The following DOCK1 variants were observed in gnomAD, a reference collection of about 807,000 sequenced individuals.
The protein encoded by DOCK1 is dedicator of cytokinesis protein 1.
Under a neutral mutation model 262.7 loss-of-function variants are expected in DOCK1, and 138 were observed. The ratio of observed to expected loss-of-function variants is 0.53; its 90% CI spans 0.46 to 0.61. The LOEUF is 0.61. Ranked by LOEUF, DOCK1 falls within the 20% of genes least tolerant of loss-of-function variation. DOCK1 has a pLI of 0.00. For missense variants in DOCK1, 1,908 were observed against 2,370.7 expected (o/e 0.80, Z 4.05); for synonymous variants, 866 against 867.4 (o/e 1.00, Z 0.03).
At chr10:127,135,778 T>G (rs1157982046) in intron 27 of DOCK1, 2 of 152,682 alleles carry the variant, frequency 1.3e-5, no homozygotes, top group African/African-American at 4.8e-5. Context: ...GACATTATTT[T>G]GTGTACTAGG....
chr10:127,020,078 A>G (rs1227591572), intron 13 of DOCK1, among the ~76,000 whole-genome samples: 4 of 152,242 alleles, frequency 2.6e-5, no homozygotes, highest in Non-Finnish European at 5.9e-5. Context: ...TATGAAAGAC[A>G]TCTAAATTGG....
At chr10:126,987,094 G>A (rs975093780) in intron 4 of DOCK1, among the ~76,000 whole-genome samples, 2 of 152,072 alleles carry the variant, frequency 1.3e-5, no homozygotes, top group African/African-American at 2.4e-5. Context: ...AGTTTTATGC[G>A]TGATGGAAAA....
chr10:127,178,773 G>T (rs1167767763), intron 27 of DOCK1, among the ~76,000 whole-genome samples: 1 of 152,148 alleles, frequency 6.6e-6, no homozygotes. Flanking sequence ...GCCCCGTTTG[G>T]GATGGCTAGA....
intron 27 of DOCK1, among the ~76,000 whole-genome samples, chr10:127,194,317 A>G (rs2056949750): frequency 6.6e-6 from 1 of 152,232 alleles, no homozygotes; most frequent in South Asian, 2.1e-4. Context: ...GTAAACATGG[A>G]TAGTAAATGA....
intron 29 of DOCK1, among the ~76,000 whole-genome samples, chr10:127,283,414 ACTGT>A (rs959594580): frequency 3.9e-5 from 6 of 152,230 alleles, no homozygotes; most frequent in African/African-American, 7.2e-5. Context: ...CAGAAGGCAC[ACTGT>A]CTGATCCAAC....
chr10:127,261,008 C>T (rs2060043733), intron 29 of DOCK1, among the ~76,000 whole-genome samples: 1 of 85,990 alleles, frequency 1.2e-5, no homozygotes, highest in Non-Finnish European at 2.2e-5. Context: ...TGTGTACCTG[C>T]ATGTGTGTGC....
chr10:127,247,906 C>T, intron 27 of DOCK1, 102 bp from the exon 28 acceptor site: 1 of 1,143,630 alleles, frequency 8.7e-7, no homozygotes, highest in East Asian at 2.5e-5. Flanking sequence ...TGCCCCGTTG[C>T]TTCTCCCTGA....
intron 27 of DOCK1, among the ~76,000 whole-genome samples, chr10:127,199,457 T>A (rs923101232): frequency 1.3e-5 from 2 of 152,152 alleles, no homozygotes; most frequent in Non-Finnish European, 2.9e-5. Flanking sequence ...CAAATACCAG[T>A]CAACAGTAGA....
intron 47 of DOCK1, among the ~76,000 whole-genome samples, chr10:127,431,744 T>C (rs550042150): frequency 1.4e-4 from 21 of 152,302 alleles, no homozygotes; most frequent in African/African-American, 4.6e-4. Flanking sequence ...ATTTCTGTAT[T>C]ATCTGTGGCT....
intron 38 of DOCK1, among the ~76,000 whole-genome samples, chr10:127,388,294 T>C (rs2066254781): frequency 6.6e-6 from 1 of 152,218 alleles, no homozygotes; most frequent in Admixed American, 6.5e-5. Context: ...TCGTAGTAGC[T>C]GCATTGATAA....
intron 27 of DOCK1, among the ~76,000 whole-genome samples, chr10:127,209,738 A>G (rs2057888327): frequency 1.3e-5 from 2 of 152,190 alleles, no homozygotes; most frequent in Admixed American, 1.3e-4. Flanking sequence ...AAAAATCAAC[A>G]TGTCCCACAA....
chr10:127,023,986 C>T (rs2042639620), intron 14 of DOCK1, among the ~76,000 whole-genome samples: 1 of 152,184 alleles, frequency 6.6e-6, no homozygotes, highest in Non-Finnish European at 1.5e-5. Flanking sequence ...TACCTACCGG[C>T]GATCATGAAG....
chr10:127,137,785 T>TA, intron 27 of DOCK1: 2 of 1,522,504 alleles, frequency 1.3e-6, no homozygotes, highest in Non-Finnish European at 1.8e-6. Context: ...AGTATTGACT[T>TA]AAACTCCAGT....
At position 126,912,712 on chromosome 10, in the gene DOCK1, T is replaced by C. The variant is rs1464515072; in HGVS notation, c.46+7149T>C. Among the ~76,000 whole-genome samples the C allele has an allele frequency of 2.7e-4, 34 of 124,660 alleles. 1 individual carries two copies. Among genetic ancestry groups the C allele is most frequent in the African/African-American group, 6.9e-4 (22 of 31,788 alleles). The allele number at this position is 124,660 out of a possible 152,430, so 81.8% of individuals were successfully genotyped here. On this transcript the variant is annotated intron_variant, in intron 1 of 51. Transcript: ENST00000623213. Reference sequence around the variant, plus strand: ...CCGTACTCCAGCCTGGGTGACAGAGTGAGACTCCATCTCGGAAAAAAAAAA... The same window carrying C: ...CCGTACTCCAGCCTGGGTGACAGAGCGAGACTCCATCTCGGAAAAAAAAAA...
chr10:127,275,959 T>C (rs1226621394), intron 29 of DOCK1, among the ~76,000 whole-genome samples: 3 of 152,234 alleles, frequency 2.0e-5, no homozygotes, highest in Admixed American at 6.5e-5. Flanking sequence ...ACAGGCCGCG[T>C]TGGAGATCCC....
At chr10:127,251,508 A>T (rs1344766726) in intron 28 of DOCK1, among the ~76,000 whole-genome samples, 4 of 147,162 alleles carry the variant, frequency 2.7e-5, no homozygotes, top group Admixed American at 6.8e-5. Context: ...ATTAGGTATA[A>T]CTCCTAATGC....
At chr10:127,265,433 A>T (rs185914960) in intron 29 of DOCK1, among the ~76,000 whole-genome samples, 2 of 151,774 alleles carry the variant, frequency 1.3e-5, no homozygotes, top group Non-Finnish European at 2.9e-5. Flanking sequence ...ACAGATCAGG[A>T]TGATGCTTGC....
At chr10:127,206,128 C>A (rs2057706756) in intron 27 of DOCK1, among the ~76,000 whole-genome samples, 2 of 137,772 alleles carry the variant, frequency 1.5e-5, no homozygotes, top group African/African-American at 5.3e-5. Context: ...ACCATATATT[C>A]TTCTTCTCTT....
At position 127,174,167 on chromosome 10, in the gene DOCK1, C is replaced by T. The variant is rs564080041; in HGVS notation, c.2847+46403C>T. Among the ~76,000 whole-genome samples the T allele has an allele frequency of 2.6e-5, 4 of 152,354 alleles. No homozygotes were observed. In the East Asian group the frequency reaches 7.7e-4, roughly 29 times the overall value. On this transcript the variant is annotated intron_variant, in intron 27 of 51. Transcript: ENST00000623213. ...AATACATTACTTGGCTTATTTCAGG[C>T]TGGCTTCTAGCTTGCTAAACCCAGG...
Sources: allele counts gnomAD v4.1 joint callset (sites outside exome capture counted in the v4.1 genomes callset), GRCh38; gene constraint gnomAD v4.1.1; transcripts MANE v1.5; gene names NCBI Gene and HGNC (gene_info 2026-07-23, HGNC 2026-07-21).